The following CSMD1 variants were observed in gnomAD, a reference collection of about 807,000 sequenced individuals.
CSMD1 encodes the protein CUB and Sushi multiple domains 1.
A neutral mutation model predicts 417.5 loss-of-function variants in CSMD1; 213 were observed. That is an observed-to-expected ratio of 0.51 (90% CI 0.46 to 0.57). The LOEUF is 0.57. CSMD1 is among the 20% of genes least tolerant of loss of function. The probability of loss-of-function intolerance (pLI) is 0.00; values close to 1 mark genes in which losing one functional copy is unlikely to be tolerated. For missense variants in CSMD1, 6,923 were observed against 4,529.7 expected, an observed-to-expected ratio of 1.53 and a Z score of -15.17; for synonymous variants, 2,862 against 1,736.8, an observed-to-expected ratio of 1.65 and a Z score of -16.11.
chr8:4,127,187 C>G (rs1205902095), intron 3 of CSMD1, among the ~76,000 whole-genome samples: 1 of 151,944 alleles, frequency 6.6e-6, no homozygotes, highest in Non-Finnish European at 1.5e-5. Flanking sequence ...TCCTGCTATC[C>G]CTGGAGGTGG....
intron 1 of CSMD1, among the ~76,000 whole-genome samples, chr8:4,869,305 A>G (rs757202030): frequency 2.6e-5 from 4 of 152,036 alleles, no homozygotes; most frequent in Admixed American, 1.3e-4. Context: ...CATTTGATGG[A>G]AACAGTGGAG....
chr8:3,389,149 G>C (rs556971027), intron 17 of CSMD1, among the ~76,000 whole-genome samples: 28 of 152,270 alleles, frequency 1.8e-4, no homozygotes, highest in Non-Finnish European at 3.8e-4. Context: ...AGGGGTACAT[G>C]TGCAGGTTTG....
At chr8:3,074,433 C>T (rs535806408) in intron 49 of CSMD1, among the ~76,000 whole-genome samples, 2 of 152,302 alleles carry the variant, frequency 1.3e-5, no homozygotes, top group South Asian at 4.1e-4. Flanking sequence ...GCGTCGGTCA[C>T]CCCACCTCCT....
chr8:3,708,419 G>T lies in CSMD1; in HGVS notation c.1004C>A (p.Ser335Tyr), dbSNP rs554775286. The T allele has an allele frequency of 4.3e-6, 7 of 1,613,646 alleles. No individual in the cohort carries two copies. Among genetic ancestry groups the T allele is most frequent in the Non-Finnish European group, 5.9e-6 (7 of 1,179,580 alleles). The stretch of plus-strand genomic sequence containing the variant: ...TAGAAAGGAAAGGGACTCACAGACA[G>T]AGTTTTTATGGCTTCCATCCTTGCT... Reference protein sequence around the residue: ...LPSKDGSHKNSVLSQGGVALV... With the variant: ...LPSKDGSHKNYVLSQGGVALV... The change falls in exon 7 of 70, where the codon TCT becomes TAT. Residue 335 changes from serine (S) to tyrosine (Y), a missense_variant. Physicochemically the swap from Ser to Tyr is moderately radical, Grantham distance 144. Coordinates refer to ENST00000635120, the MANE Select transcript of CSMD1 (RefSeq NM_033225.6).
intron 3 of CSMD1, among the ~76,000 whole-genome samples, chr8:4,224,026 ATT>A (rs894075102): frequency 1.1e-4 from 17 of 152,210 alleles, no homozygotes; most frequent in Admixed American, 1.0e-3. Flanking sequence ...CGGGTACGTT[ATT>A]TTAACAAAAC....
intron 3 of CSMD1, among the ~76,000 whole-genome samples, chr8:4,130,431 G>C (rs892944091): frequency 6.6e-6 from 1 of 152,122 alleles, no homozygotes. Context: ...GTCATCCTCA[G>C]TTTAGTGCAA....
At chr8:4,115,548 C>G (rs779963965) in intron 3 of CSMD1, among the ~76,000 whole-genome samples, 2 of 152,068 alleles carry the variant, frequency 1.3e-5, no homozygotes, top group South Asian at 2.1e-4. Context: ...TCAGCTAATT[C>G]ATAATTTATT....
At chr8:4,675,628 A>G (rs1805633890) in intron 1 of CSMD1, among the ~76,000 whole-genome samples, 2 of 143,554 alleles carry the variant, frequency 1.4e-5, no homozygotes, top group African/African-American at 5.9e-5. Flanking sequence ...AATAAACATA[A>G]AAAAAGTAAG....
At chr8:3,806,591 C>A (rs755765509) in intron 5 of CSMD1, among the ~76,000 whole-genome samples, 17 of 152,172 alleles carry the variant, frequency 1.1e-4, no homozygotes, top group Non-Finnish European at 2.2e-4. Context: ...AGAGCTTCTT[C>A]CCAGAGTAGT....
intron 3 of CSMD1, among the ~76,000 whole-genome samples, chr8:4,371,686 T>A (rs920783338): frequency 1.3e-5 from 2 of 152,264 alleles, no homozygotes; most frequent in Non-Finnish European, 2.9e-5. Flanking sequence ...GTTAGTAGAA[T>A]GTTAGCTATA....
intron 26 of CSMD1, among the ~76,000 whole-genome samples, chr8:3,276,694 C>G (rs1015881866): frequency 1.5e-4 from 23 of 152,104 alleles, no homozygotes; most frequent in Admixed American, 7.9e-4. Context: ...AAAGGCTTTA[C>G]TATGAAAATT....
chr8:3,936,998 A>C (rs1810543083), intron 5 of CSMD1, among the ~76,000 whole-genome samples: 1 of 152,176 alleles, frequency 6.6e-6, no homozygotes, highest in African/African-American at 2.4e-5. Flanking sequence ...CTCGTGAATG[A>C]CTTTGTTGGG....
chr8:3,758,719 G>C (rs1449940237), intron 5 of CSMD1, among the ~76,000 whole-genome samples: 2 of 152,198 alleles, frequency 1.3e-5, no homozygotes, highest in East Asian at 1.9e-4. Flanking sequence ...AATCATACCT[G>C]CTACAGACAG....
Position 3,883,036 on chromosome 8 carries a change from C to G in CSMD1, c.818+114867G>C, listed in dbSNP as rs562724728. The stretch of plus-strand genomic sequence containing the variant: ...TATTTTATCCTGAACCAATAAAACG[C>G]CTGAACATATCTAAGAGCCACTGAC... On this transcript the variant is annotated intron_variant, in intron 5 of 69. Transcript: ENST00000635120. 8.7e-4 allele frequency among the ~76,000 whole-genome samples: 132 copies of G among 152,204 alleles called. 1 individual carries two copies. Among genetic ancestry groups the G allele is most frequent in the Non-Finnish European group, 1.2e-3 (84 of 68,018 alleles).
chr8:4,700,970 A>T (rs1040922845), intron 1 of CSMD1, among the ~76,000 whole-genome samples: 2 of 152,316 alleles, frequency 1.3e-5, no homozygotes, highest in South Asian at 2.1e-4. Flanking sequence ...CTGCATGTAC[A>T]TACTTCTAAT....
At chr8:3,688,173 G>A (rs144337641) in intron 7 of CSMD1, among the ~76,000 whole-genome samples, 12 of 152,286 alleles carry the variant, frequency 7.9e-5, no homozygotes, top group East Asian at 5.8e-4. Context: ...ACATGAGAGA[G>A]CTGGGCATAA....
chr8:4,841,897 G>A (rs1164030916), intron 1 of CSMD1, among the ~76,000 whole-genome samples: 1 of 28,706 alleles, frequency 3.5e-5, no homozygotes, highest in African/African-American at 1.5e-4. Flanking sequence ...GGCAACAAGA[G>A]CAAAACTCCG....
chr8:4,105,159 T>G (rs144448434), intron 3 of CSMD1, among the ~76,000 whole-genome samples: 39 of 152,242 alleles, frequency 2.6e-4, no homozygotes, highest in African/African-American at 8.9e-4. Flanking sequence ...AACTGAAAAT[T>G]AGATATCCAT....
intron 10 of CSMD1, among the ~76,000 whole-genome samples, chr8:3,521,921 T>C (rs1797526584): frequency 6.6e-6 from 1 of 152,174 alleles, no homozygotes. Context: ...GCAAACCCAA[T>C]TAAATCCATA....
Sources: gnomAD v4.1 joint callset for allele counts (sites outside exome capture counted in the v4.1 genomes callset) on GRCh38, gnomAD v4.1.1 for gene constraint, MANE v1.5 for transcripts, NCBI Gene and HGNC (gene_info 2026-07-23, HGNC 2026-07-21) for gene names.